SLC36A1: variants seen among roughly 807,000 people sequenced by gnomAD.
The protein encoded by SLC36A1 is proton-coupled amino acid transporter 1.
In SLC36A1, 30 loss-of-function variants were observed where a neutral mutation model predicts 47.5. The observed-to-expected ratio is 0.63, with a 90% CI of 0.47 to 0.86. The LOEUF is 0.86. Among genes scored for constraint, SLC36A1 ranks in the 40% least tolerant of loss-of-function variants. The pLI is 0.00. For synonymous variants in SLC36A1, 255 were observed against 249.7 expected, an observed-to-expected ratio of 1.02 and a Z score of -0.20; for missense variants, 517 against 606.0, an observed-to-expected ratio of 0.85 and a Z score of 1.54.
the SLC36A1 span, chr5:151,545,310 G>C: frequency 1.2e-6 from 2 of 1,614,108 alleles, no homozygotes; most frequent in Non-Finnish European, 1.7e-6. Context: ...CCCTGATGGT[G>C]AGCTTCCGAG....
chr5:151,555,908 C>T, the SLC36A1 span, among the ~76,000 whole-genome samples: 2 of 152,114 alleles, frequency 1.3e-5, no homozygotes, highest in South Asian at 2.1e-4. Flanking sequence ...GAAACAGGCA[C>T]CAGGAATGCC....
At chr5:151,550,879 G>A in the SLC36A1 span, 1 of 1,610,988 alleles carries the variant, frequency 6.2e-7, no homozygotes, top group Non-Finnish European at 8.5e-7. Flanking sequence ...GACCTAGGGA[G>A]GGAGATGAGG....
At chr5:151,460,871 C>A (rs1755403480) in intron 2 of SLC36A1, among the ~76,000 whole-genome samples, 1 of 150,274 alleles carries the variant, frequency 6.7e-6, no homozygotes, top group South Asian at 2.2e-4. Flanking sequence ...TACTTCTACA[C>A]CTACTGCACA....
At chr5:151,352,278 A>G in the SLC36A1 span, among the ~76,000 whole-genome samples, 2 of 152,054 alleles carry the variant, frequency 1.3e-5, no homozygotes, top group Non-Finnish European at 2.9e-5. Flanking sequence ...ATGTGTGTGT[A>G]TCCCCATTGT....
At chr5:151,420,384 G>T in the SLC36A1 span, among the ~76,000 whole-genome samples, 1 of 152,306 alleles carries the variant, frequency 6.6e-6, no homozygotes, top group Admixed American at 6.5e-5. Flanking sequence ...CACACAGTGA[G>T]CTGAGGACAG....
the SLC36A1 span, among the ~76,000 whole-genome samples, chr5:151,518,374 A>AATTATTATTATTATTATTATTATT: frequency 2.7e-5 from 4 of 147,396 alleles, no homozygotes; most frequent in South Asian, 8.6e-4. Flanking sequence ...TAATAATAAT[A>AATTATTATTATTATTATTATTATT]ATTTTTAAAA....
At chr5:151,409,032 T>C in the SLC36A1 span, among the ~76,000 whole-genome samples, 1 of 150,392 alleles carries the variant, frequency 6.6e-6, no homozygotes, top group Admixed American at 6.7e-5. Context: ...AATGTCTCAC[T>C]GTGTTGCTCA....
the SLC36A1 span, among the ~76,000 whole-genome samples, chr5:151,430,331 A>ATTTT: frequency 8.5e-6 from 1 of 117,518 alleles, no homozygotes; most frequent in Middle Eastern, 4.2e-3. Context: ...CACCTGGCTA[A>ATTTT]TTTTTTTTTT....
chr5:151,510,262 C>T, the SLC36A1 span: 4 of 1,420,004 alleles, frequency 2.8e-6, no homozygotes, highest in East Asian at 2.3e-5. Context: ...GTTTGTGCAG[C>T]CGTTCAGTTA....
At chr5:151,408,072 G>A in the SLC36A1 span, among the ~76,000 whole-genome samples, 26 of 152,278 alleles carry the variant, frequency 1.7e-4, no homozygotes, top group African/African-American at 6.3e-4. Context: ...GAGGCTCACG[G>A]TCACTCTAGC....
chr5:151,389,389 C>T, the SLC36A1 span, among the ~76,000 whole-genome samples: 2 of 151,496 alleles, frequency 1.3e-5, no homozygotes, highest in East Asian at 2.0e-4. Flanking sequence ...ATTAATCCTC[C>T]TTTTGAGTTT....
chr5:151,476,653 A>C lies in SLC36A1; in HGVS notation c.886A>C (p.Met296Leu). The C allele has an allele frequency of 1.2e-6, 2 of 1,613,156 alleles. No individual in the cohort carries two copies. The highest frequency in any genetic ancestry group is 1.7e-6 in the Non-Finnish European group (2 of 1,179,550). ...RKFPLILYLG[M>L]VIVTILYISL... ...GTTCCCACTCATCCTGTACCTGGGC[A>C]TGGTCATCGTCACCATCCTCTACAT... The change falls in exon 9 of 11, where the codon ATG (methionine) becomes CTG (leucine). Residue 296 changes from methionine (M) to leucine (L), a missense_variant. Transcript: ENST00000243389.
Position 151,468,265 on chromosome 5 carries a change from A to AT in SLC36A1, c.723+340_723+341insT, listed in dbSNP as rs1279081777. Among the ~76,000 whole-genome samples the AT allele has an allele frequency of 5.9e-3, 468 of 78,982 alleles. 7 individuals carry two copies. Among genetic ancestry groups the AT allele is most frequent in the East Asian group, 0.054 (119 of 2,194 alleles). 51.8% of individuals were successfully genotyped at this position (78,982 alleles called of 152,430 possible). On this transcript the variant is annotated intron_variant, in intron 7 of 10. Transcript: ENST00000243389. ...AGACTCTGTCTCAAAAAAAAAAAAA[A>AT]AATATATATATATATATATATATAT...
At chr5:151,479,671 A>G (rs1200489636) in intron 10 of SLC36A1, 182 bp downstream of exon 10, 8 of 617,324 alleles carry the variant, frequency 1.3e-5, no homozygotes, top group African/African-American at 1.1e-4. Flanking sequence ...AATTAATTAC[A>G]TATGTACTGT....
chr5:151,372,726 G>A, the SLC36A1 span, among the ~76,000 whole-genome samples: 1 of 152,128 alleles, frequency 6.6e-6, no homozygotes, highest in South Asian at 2.1e-4. Context: ...GGGATTACAG[G>A]CATGAGCCAC....
chr5:151,457,174 A>C (rs570731533), intron 1 of SLC36A1, among the ~76,000 whole-genome samples: 2 of 151,780 alleles, frequency 1.3e-5, no homozygotes, highest in South Asian at 4.2e-4. Flanking sequence ...AGCAACTGGG[A>C]CTCTGTAGAG....
chr5:151,419,004 T>C, the SLC36A1 span, among the ~76,000 whole-genome samples: 1 of 152,160 alleles, frequency 6.6e-6, no homozygotes, highest in African/African-American at 2.4e-5. Flanking sequence ...TGAGATCTGA[T>C]GGTTTTATAA....
the SLC36A1 span, among the ~76,000 whole-genome samples, chr5:151,407,146 G>A: frequency 1.3e-5 from 2 of 152,210 alleles, no homozygotes; most frequent in Non-Finnish European, 2.9e-5. Context: ...CCCAAAGAGT[G>A]AGCAGCAGCA....
At chr5:151,347,373 A>G in the SLC36A1 span, 1 of 1,614,182 alleles carries the variant, frequency 6.2e-7, no homozygotes, top group Non-Finnish European at 8.5e-7. Flanking sequence ...TTGTTCTCCA[A>G]CTTCTTGGCA....
Sources: allele counts gnomAD v4.1 joint callset (sites outside exome capture counted in the v4.1 genomes callset), GRCh38; gene constraint gnomAD v4.1.1; transcripts MANE v1.5; gene names NCBI Gene and HGNC (gene_info 2026-07-23, HGNC 2026-07-21).